Variants in WASHC2A observed in about 807,000 individuals in gnomAD.
WASHC2A encodes WASH complex subunit 2A.
A neutral mutation model predicts 140.3 loss-of-function variants in WASHC2A; 82 were observed. That is an observed-to-expected ratio of 0.58 (90% CI 0.49 to 0.70). WASHC2A has a LOEUF of 0.70. Among genes scored for constraint, WASHC2A ranks in the 30% least tolerant of loss-of-function variants. The pLI, the probability that WASHC2A is intolerant of heterozygous loss-of-function variation, is 0.00. For missense variants in WASHC2A, 985 were observed against 1,521.8 expected (o/e 0.65, Z 5.87); for synonymous variants, 340 against 560.8 (o/e 0.61, Z 5.56).
chr10:50,124,638 CA>C (rs1489603418), intron 23 of WASHC2A, among the ~76,000 whole-genome samples: 3 of 152,098 alleles, frequency 2.0e-5, no homozygotes, highest in Non-Finnish European at 4.4e-5. Context: ...GCAGTGCTTA[CA>C]GGTGAGGGAC....
chr10:50,101,701 A>T (rs1841196680), intron 17 of WASHC2A, among the ~76,000 whole-genome samples: 1 of 152,170 alleles, frequency 6.6e-6, no homozygotes, highest in Non-Finnish European at 1.5e-5. Context: ...GTAACTCAAA[A>T]ACCTAGTGGT....
Position 50,090,778 on chromosome 10 carries a change from C to A in WASHC2A, c.735C>A (p.His245Gln). 6.2e-7 allele frequency: 1 copy of A among 1,610,578 alleles called. No homozygotes were observed. The highest frequency in any genetic ancestry group is 1.1e-5 in the South Asian group (1 of 90,950). The change falls in exon 9 of 31, where the codon CAC (histidine) becomes CAA (glutamine). Residue 245 changes from histidine (H) to glutamine (Q), a missense_variant and splice_region_variant. By Grantham distance (24) the His-to-Gln change is conservative. Coordinates refer to ENST00000282633, the MANE Select transcript of WASHC2A (RefSeq NM_001005751.3). ...AATTTGGTATTTTATACTCTTAGCACACCACACAAATGAGTGATGAGGAAG... is the reference window on the plus strand; with the variant it reads ...AATTTGGTATTTTATACTCTTAGCAAACCACACAAATGAGTGATGAGGAAG... ...AHHSDNEQNR[H>Q]TTQMSDEEED...
intron 20 of WASHC2A, among the ~76,000 whole-genome samples, chr10:50,111,971 T>C (rs1353266692): frequency 1.3e-5 from 2 of 151,942 alleles, no homozygotes; most frequent in Non-Finnish European, 2.9e-5. Context: ...GAGGTTACAG[T>C]GAGCCAAGAT....
In WASHC2A at chr10:50,093,280, AC is replaced by A; in HGVS notation, c.1017del (p.Leu340TyrfsTer7). ...TTCTGTTTGCTAGATGAAGAGGATA[AC>A]TTATTCGCACCCCCCAAGCTGACCG... ...RRTPSDDEEDNLFAPPKLTDE... is the reference protein window; with the variant it reads ...RRTPSDDEEDXLFAPPKLTDE... On this transcript the variant is annotated frameshift_variant, in exon 12 of 31. Transcript: ENST00000282633. LOFTEE classifies it high-confidence loss of function. 1 of 1,003,302 alleles carries A rather than the reference AC, an allele frequency of 1.0e-6. No homozygotes were observed. The highest frequency in any genetic ancestry group is 1.7e-5 in the African/African-American group (1 of 60,408). The allele number at this position is 1,003,302 out of a possible 1,614,324, so 62.1% of individuals were successfully genotyped here. A position where few individuals can be genotyped will look rare whatever the true frequency, so the allele number is the denominator to read the frequency against.
Position 50,068,002 on chromosome 10 carries a change from T to C in WASHC2A, c.-4T>C. ...TTCGGAGCCCACCGAGCCGGGCGGC[T>C]AGGATGGTGAGGGCGCCGGGCAGGA... On this transcript the variant is annotated 5_prime_UTR_variant, in exon 1 of 31. Coordinates refer to ENST00000282633, the MANE Select transcript of WASHC2A (RefSeq NM_001005751.3). The C allele has an allele frequency of 6.2e-7, 1 of 1,607,008 alleles. No individual in the cohort carries two copies. Among genetic ancestry groups the C allele is most frequent in the Non-Finnish European group, 8.5e-7 (1 of 1,178,060 alleles).
intron 3 of WASHC2A, among the ~76,000 whole-genome samples, chr10:50,076,329 A>G (rs1347737477): frequency 3.3e-5 from 5 of 152,218 alleles, no homozygotes; most frequent in Non-Finnish European, 7.3e-5. Flanking sequence ...TTGGAATTGC[A>G]TAGAATTATA....
At chr10:50,079,366 A>T (rs2458464) in intron 4 of WASHC2A, among the ~76,000 whole-genome samples, 29 of 152,284 alleles carry the variant, frequency 1.9e-4, no homozygotes, top group Admixed American at 9.8e-4. Flanking sequence ...AGCATTTTTT[A>T]AAAAAAGTTA....
rs182257490 is a variant in WASHC2A at position 50,124,867 on chromosome 10, T to C, written c.2479-246T>C. Among the ~76,000 whole-genome samples the C allele has an allele frequency of 5.7e-3, 769 of 135,418 alleles. 12 individuals are homozygous for C. The highest frequency in any genetic ancestry group is 0.018 in the African/African-American group (718 of 39,390). The allele number at this position is 135,418 out of a possible 152,430, so 88.8% of individuals were successfully genotyped here. A position where few individuals can be genotyped will look rare whatever the true frequency, so the allele number is the denominator to read the frequency against. Reference sequence around the variant, plus strand: ...CTGGAAAGATTATCTCTAAAGCTTGTGCATATATATATATGTAAACTTTGT... The same window carrying C: ...CTGGAAAGATTATCTCTAAAGCTTGCGCATATATATATATGTAAACTTTGT... On this transcript the variant is annotated intron_variant, in intron 23 of 30. Transcript: ENST00000282633.
rs1842182347 is a variant in WASHC2A at position 50,110,411 on chromosome 10, C to T, written c.2039+141C>T. 1.0e-4 allele frequency: 112 copies of T among 1,118,856 alleles called. No individual in the cohort carries two copies. The South Asian group carries it at 1.6e-3, about 16-fold the overall frequency. The allele number at this position is 1,118,856 out of a possible 1,614,324, so 69.3% of individuals were successfully genotyped here. A position where few individuals can be genotyped will look rare whatever the true frequency, so the allele number is the denominator to read the frequency against. On this transcript the variant is annotated intron_variant, in intron 20 of 30. Coordinates refer to ENST00000282633, the MANE Select transcript of WASHC2A (RefSeq NM_001005751.3). ...TGCCAGTGAGAATGTCTTTGCTTTT[C>T]AATGGCACCATCTTTTCCCTCAGTA...
intron 19 of WASHC2A, among the ~76,000 whole-genome samples, chr10:50,109,102 G>T (rs1842041444): frequency 6.6e-6 from 1 of 151,920 alleles, no homozygotes. Flanking sequence ...CCTGTGAAAT[G>T]CAGGTTCTGA....
At chr10:50,095,524 TG>T in intron 14 of WASHC2A, 74 bp from the exon 15 acceptor site, 1 of 1,561,102 alleles carries the variant, frequency 6.4e-7, no homozygotes, top group Non-Finnish European at 8.7e-7. Flanking sequence ...TTTTGGTGGG[TG>T]ATAATTTTTT....
chr10:50,088,428 G>A (rs1395055123), intron 8 of WASHC2A, among the ~76,000 whole-genome samples: 4 of 149,928 alleles, frequency 2.7e-5, no homozygotes, highest in East Asian at 2.0e-4. Context: ...CACCATGCCC[G>A]GCTAATTTTT....
chr10:50,109,282 G>A (rs1842061542), intron 19 of WASHC2A, among the ~76,000 whole-genome samples: 1 of 152,198 alleles, frequency 6.6e-6, no homozygotes, highest in Non-Finnish European at 1.5e-5. Flanking sequence ...TTCCTTAAAT[G>A]CTTTCTAAAG....
chr10:50,091,246 AT>A (rs1839896489), intron 9 of WASHC2A, among the ~76,000 whole-genome samples, 184 bp from the exon 10 acceptor site: 1 of 151,074 alleles, frequency 6.6e-6, no homozygotes, highest in African/African-American at 2.4e-5. Context: ...TTGAAGGAAC[AT>A]TTTATGAGTC....
intron 2 of WASHC2A, among the ~76,000 whole-genome samples, 197 bp from the exon 3 acceptor site, chr10:50,069,350 C>T (rs1837583898): frequency 6.6e-6 from 1 of 151,214 alleles, no homozygotes; most frequent in Non-Finnish European, 1.5e-5. Flanking sequence ...CGCTTGAACG[C>T]GGGAGGTGCA....
intron 17 of WASHC2A, among the ~76,000 whole-genome samples, chr10:50,102,629 G>T (rs1564782859): frequency 6.8e-6 from 1 of 147,212 alleles, no homozygotes; most frequent in Non-Finnish European, 1.5e-5. Flanking sequence ...AACTCATTAG[G>T]TCTATATTTA....
At position 50,083,126 on chromosome 10, in the gene WASHC2A, G is replaced by C. The variant is rs1178098782; in HGVS notation, c.529-946G>C. 1.8e-5 allele frequency among the ~76,000 whole-genome samples: 2 copies of C among 111,022 alleles called. 1 individual carries two copies. Among genetic ancestry groups the C allele is most frequent in the Non-Finnish European group, 3.6e-5 (2 of 55,488 alleles). 72.8% of individuals were successfully genotyped at this position (111,022 alleles called of 152,430 possible). ...AGATTCTCCTGTCTTAGTCTCCTGAGTAAATGGGATTATAGGTGTGCGCCA... is the reference window on the plus strand; with the variant it reads ...AGATTCTCCTGTCTTAGTCTCCTGACTAAATGGGATTATAGGTGTGCGCCA... On this transcript the variant is annotated intron_variant, in intron 5 of 30. Transcript: ENST00000282633.
chr10:50,097,921 A>G, intron 16 of WASHC2A, 119 bp downstream of exon 16: 1 of 1,515,738 alleles, frequency 6.6e-7, no homozygotes, highest in Non-Finnish European at 8.8e-7. Flanking sequence ...CTTCAAACAG[A>G]AAGTGGAAAG....
At chr10:50,072,140 G>A (rs1392392393) in intron 3 of WASHC2A, among the ~76,000 whole-genome samples, 2 of 145,154 alleles carry the variant, frequency 1.4e-5, no homozygotes, top group African/African-American at 2.6e-5. Context: ...TTGAACTTCT[G>A]ACCTCAAGCG....
Sources: gnomAD v4.1 joint callset for allele counts (sites outside exome capture counted in the v4.1 genomes callset) on GRCh38, gnomAD v4.1.1 for gene constraint, MANE v1.5 for transcripts, NCBI Gene and HGNC (gene_info 2026-07-23, HGNC 2026-07-21) for gene names.